The following MCC variants were observed in gnomAD, a reference collection of about 807,000 sequenced individuals.
The protein encoded by MCC is MCC regulator of Wnt signaling pathway.
Under a neutral mutation model 116.2 loss-of-function variants are expected in MCC, and 90 were observed. The observed-to-expected ratio is 0.77, with a 90% confidence interval of 0.65 to 0.92. The LOEUF (loss-of-function observed/expected upper bound fraction) is 0.92. Among genes scored for constraint, MCC ranks in the 40% least tolerant of loss-of-function variants. The pLI is 0.00. For missense variants in MCC, 1,516 were observed against 1,312.2 expected (o/e 1.16, Z -2.40); for synonymous variants, 578 against 510.5 (o/e 1.13, Z -1.78).
intron 3 of MCC, among the ~76,000 whole-genome samples, chr5:113,177,129 A>G (rs1761377542): frequency 6.6e-6 from 1 of 152,034 alleles, no homozygotes; most frequent in Admixed American, 6.5e-5. Context: ...GGCCTCTGGA[A>G]AGACTTCTTG....
At chr5:113,419,314 G>A (rs1045254380) in intron 1 of MCC, among the ~76,000 whole-genome samples, 2 of 151,698 alleles carry the variant, frequency 1.3e-5, no homozygotes, top group African/African-American at 4.8e-5. Flanking sequence ...GGGACCATAG[G>A]TGCATGCCAC....
At chr5:113,477,054 C>G (rs535096206) in intron 1 of MCC, among the ~76,000 whole-genome samples, 2 of 152,166 alleles carry the variant, frequency 1.3e-5, no homozygotes, top group Non-Finnish European at 2.9e-5. Context: ...TAATTCTGAG[C>G]CTGTTTTTCT....
At chr5:113,160,734 GGATA>G (rs1561414669) in intron 3 of MCC, among the ~76,000 whole-genome samples, 1 of 152,182 alleles carries the variant, frequency 6.6e-6, no homozygotes, top group African/African-American at 2.4e-5. Context: ...TTAGCATGGG[GGATA>G]GACAGGTATT....
In MCC at chr5:113,110,151, G is replaced by A. The variant is rs116397345; in HGVS notation, c.1028-5796C>T. Reference sequence around the variant, plus strand: ...ATCAAAGGAAACTGTTCTACATCCAGGAGACAGAGAGGAGGCCTTTGGTAG... The same window carrying A: ...ATCAAAGGAAACTGTTCTACATCCAAGAGACAGAGAGGAGGCCTTTGGTAG... On this transcript the variant is annotated intron_variant, in intron 6 of 18. Coordinates refer to ENST00000408903, the MANE Select transcript of MCC (RefSeq NM_001085377.2). 4.5e-3 allele frequency among the ~76,000 whole-genome samples: 686 copies of A among 152,200 alleles called. 5 individuals are homozygous for A. The highest frequency in any genetic ancestry group is 0.016 in the African/African-American group (650 of 41,506).
rs117724219 is a variant in MCC, at chr5:113,175,954, C to A, written c.628-24532G>T. 4.0e-4 allele frequency among the ~76,000 whole-genome samples: 61 copies of A among 152,168 alleles called. No homozygotes were observed. In the East Asian group the frequency reaches 5.2e-3, roughly 13 times the overall value. On this transcript the variant is annotated intron_variant, in intron 3 of 18. Transcript: ENST00000408903. ...TTCCCTTCTTTTCTGCATCCTACCCCCTATGTACTGTACCAACCAGCAGGG... is the reference window on the plus strand; with the variant it reads ...TTCCCTTCTTTTCTGCATCCTACCCACTATGTACTGTACCAACCAGCAGGG...
At chr5:113,467,108 C>A (rs988946462) in intron 1 of MCC, among the ~76,000 whole-genome samples, 2 of 150,470 alleles carry the variant, frequency 1.3e-5, no homozygotes, top group East Asian at 1.9e-4. Flanking sequence ...GAGTAGGTTG[C>A]AAAAATTTTC....
intron 3 of MCC, among the ~76,000 whole-genome samples, chr5:113,320,499 G>A (rs909868762): frequency 6.7e-6 from 1 of 149,472 alleles, no homozygotes; most frequent in African/African-American, 2.5e-5. Flanking sequence ...GAGGAACACA[G>A]TATTAACTGG....
chr5:113,213,983 C>T (rs1763221167), intron 3 of MCC, among the ~76,000 whole-genome samples: 2 of 152,186 alleles, frequency 1.3e-5, no homozygotes, highest in South Asian at 4.1e-4. Context: ...AAGAACACAA[C>T]ATGAGGGACC....
intron 11 of MCC, among the ~76,000 whole-genome samples, chr5:113,076,100 G>A (rs924590388): frequency 2.2e-4 from 33 of 152,136 alleles, no homozygotes; most frequent in African/African-American, 6.0e-4. Context: ...GAGGGTCCAC[G>A]GCTTCATTCT....
At chr5:113,169,005 A>G (rs1760924103) in intron 3 of MCC, among the ~76,000 whole-genome samples, 2 of 152,086 alleles carry the variant, frequency 1.3e-5, no homozygotes, top group South Asian at 4.2e-4. Context: ...CGGCTTTAAG[A>G]CAAGCCCTCT....
chr5:113,192,731 C>G (rs1762206339), intron 3 of MCC, among the ~76,000 whole-genome samples: 1 of 152,186 alleles, frequency 6.6e-6, no homozygotes, highest in South Asian at 2.1e-4. Context: ...GAAGAACCTG[C>G]TAAGCCTCCT....
intron 3 of MCC, among the ~76,000 whole-genome samples, chr5:113,225,552 C>T (rs994293313): frequency 6.6e-6 from 1 of 152,206 alleles, no homozygotes; most frequent in African/African-American, 2.4e-5. Flanking sequence ...TGAATACTCA[C>T]ACCCTCATAC....
chr5:113,243,550 G>T (rs936216974), intron 3 of MCC, among the ~76,000 whole-genome samples: 1 of 152,234 alleles, frequency 6.6e-6, no homozygotes, highest in African/African-American at 2.4e-5. Context: ...CACATAATCT[G>T]AGCCATGGGC....
intron 16 of MCC, among the ~76,000 whole-genome samples, chr5:113,043,976 T>G (rs1751905843): frequency 7.0e-6 from 1 of 141,864 alleles, no homozygotes; most frequent in Non-Finnish European, 1.5e-5. Flanking sequence ...TATCTCCATT[T>G]TACCAAGGAG....
chr5:113,468,694 C>T (rs1771986393), intron 1 of MCC, among the ~76,000 whole-genome samples: 1 of 152,174 alleles, frequency 6.6e-6, no homozygotes. Flanking sequence ...ATGCTGGCCT[C>T]ATAAAATGAG....
At position 113,180,103 on chromosome 5, in the gene MCC, G is replaced by A. The variant is rs903503040; in HGVS notation, c.628-28681C>T. Among the ~76,000 whole-genome samples, 6 of 152,282 alleles carry A rather than the reference G, an allele frequency of 3.9e-5. No individual in the cohort carries two copies. The East Asian group carries it at 9.6e-4, about 24-fold the overall frequency. ...CGACAGCCTCCTCCCCCGATTTTAG[G>A]AAGGGGTCGCCTGCCTGGTCTCCAT... On this transcript the variant is annotated intron_variant, in intron 3 of 18. Transcript: ENST00000408903.
chr5:113,203,246 T>C (rs962321947), intron 3 of MCC: 1 of 152,442 alleles, frequency 6.6e-6, no homozygotes, highest in African/African-American at 2.4e-5. Context: ...CCTTGACATG[T>C]GCTCTGGTCC....
chr5:113,041,531 A>C (rs1319007377), intron 17 of MCC, among the ~76,000 whole-genome samples: 5 of 152,206 alleles, frequency 3.3e-5, no homozygotes, highest in Non-Finnish European at 5.9e-5. Flanking sequence ...TGGCTACCAG[A>C]ACAGGAGGGG....
intron 8 of MCC, among the ~76,000 whole-genome samples, chr5:113,090,315 G>C (rs1264080180): frequency 1.3e-5 from 2 of 151,476 alleles, no homozygotes; most frequent in African/African-American, 4.9e-5. Flanking sequence ...CATGAGGGGG[G>C]AATGTCAGAA....
Sources: gnomAD v4.1 joint callset for allele counts (sites outside exome capture counted in the v4.1 genomes callset) on GRCh38, gnomAD v4.1.1 for gene constraint, MANE v1.5 for transcripts, NCBI Gene and HGNC (gene_info 2026-07-23, HGNC 2026-07-21) for gene names.